NAA15: variants seen among roughly 807,000 people sequenced by gnomAD.
NAA15 encodes N-terminal acetyltransferase.
NAA15 carries 34 observed loss-of-function variants against 114.0 expected under a neutral mutation model. That is an observed-to-expected ratio of 0.30 (90% confidence interval 0.23 to 0.40). The LOEUF (loss-of-function observed/expected upper bound fraction) is 0.40, where lower values mean the gene tolerates loss of function less well. Among genes scored for constraint, NAA15 ranks in the 10% least tolerant of loss-of-function variants. The probability of loss-of-function intolerance (pLI) is 1.00; values close to 1 mark genes in which losing one functional copy is unlikely to be tolerated. For synonymous variants in NAA15, 340 were observed against 338.0 expected (o/e 1.01, Z -0.06); for missense variants, 658 against 1,004.5 (o/e 0.66, Z 4.66).
chr4:139,347,545 G>A (rs375503947), intron 6 of NAA15, among the ~76,000 whole-genome samples: 2 of 152,306 alleles, frequency 1.3e-5, no homozygotes, highest in East Asian at 3.9e-4. Context: ...GGCTGCCGTA[G>A]GTGGAAGGAT....
intron 9 of NAA15, 149 bp downstream of exon 9, chr4:139,351,760 C>T: frequency 2.1e-6 from 1 of 472,794 alleles, no homozygotes; most frequent in Non-Finnish European, 3.8e-6. Flanking sequence ...CTTCTGATTC[C>T]TCTTTTTTCC....
At chr4:139,372,304 G>A (rs763076101) in intron 15 of NAA15, among the ~76,000 whole-genome samples, 2 of 152,172 alleles carry the variant, frequency 1.3e-5, no homozygotes, top group Non-Finnish European at 2.9e-5. Flanking sequence ...CTTGTACTAG[G>A]TTTCCTTAAA....
intron 1 of NAA15, among the ~76,000 whole-genome samples, chr4:139,308,651 T>C (rs1402745257): frequency 6.6e-6 from 1 of 152,178 alleles, no homozygotes; most frequent in African/African-American, 2.4e-5. Flanking sequence ...CAGGCTGGAG[T>C]ACAGTGGCGT....
chr4:139,327,727 A>G (rs886953475), intron 1 of NAA15, among the ~76,000 whole-genome samples: 3 of 152,130 alleles, frequency 2.0e-5, no homozygotes, highest in Non-Finnish European at 4.4e-5. Context: ...GTGCAGTGGC[A>G]CAATCTCAGC....
intron 5 of NAA15, 62 bp from the exon 6 acceptor site, chr4:139,344,124 G>A: frequency 2.9e-6 from 4 of 1,403,400 alleles, no homozygotes; most frequent in Non-Finnish European, 3.9e-6. Context: ...TGAGTATTGT[G>A]AACAATTTTC....
intron 14 of NAA15, among the ~76,000 whole-genome samples, chr4:139,365,688 C>G (rs1023553779): frequency 4.6e-5 from 7 of 151,576 alleles, no homozygotes; most frequent in African/African-American, 1.2e-4. Flanking sequence ...CAAAAAAAAC[C>G]CCAACCAACC....
chr4:139,365,050 T>C (rs1413984581), intron 14 of NAA15, among the ~76,000 whole-genome samples: 2 of 152,298 alleles, frequency 1.3e-5, no homozygotes, highest in Admixed American at 1.3e-4. Context: ...TATTTATTTA[T>C]TTTTGAGATG....
intron 1 of NAA15, among the ~76,000 whole-genome samples, chr4:139,330,393 C>T (rs1560959947): frequency 6.6e-6 from 1 of 152,190 alleles, no homozygotes; most frequent in Non-Finnish European, 1.5e-5. Flanking sequence ...TGATAGCTCT[C>T]AAGTAACTGC....
At chr4:139,325,687 C>T (rs540168834) in intron 1 of NAA15, among the ~76,000 whole-genome samples, 6 of 152,174 alleles carry the variant, frequency 3.9e-5, no homozygotes, top group Non-Finnish European at 8.8e-5. Flanking sequence ...TTTGTTCTGT[C>T]GCTCAGGTTG....
chr4:139,339,856 T>C (rs1747325709), intron 3 of NAA15, among the ~76,000 whole-genome samples: 1 of 152,190 alleles, frequency 6.6e-6, no homozygotes, highest in Admixed American at 6.5e-5. Context: ...GGGTAGCTGG[T>C]ACAGTAATCA....
intron 7 of NAA15, among the ~76,000 whole-genome samples, chr4:139,350,167 G>T (rs1461261876): frequency 6.6e-6 from 1 of 152,152 alleles, no homozygotes; most frequent in East Asian, 1.9e-4. Context: ...AGGAAGCCAG[G>T]TGTAGGGGCT....
At chr4:139,314,710 G>A (rs532347544) in intron 1 of NAA15, among the ~76,000 whole-genome samples, 2 of 151,914 alleles carry the variant, frequency 1.3e-5, no homozygotes, top group African/African-American at 4.8e-5. Flanking sequence ...ATGGAGTCTC[G>A]CTCTGTTACC....
intron 1 of NAA15, 94 bp downstream of exon 1, chr4:139,301,925 C>A: frequency 7.4e-7 from 1 of 1,349,696 alleles, no homozygotes; most frequent in Non-Finnish European, 1.0e-6. Context: ...CTGAGCCACT[C>A]CCGCCCGGGA....
At chr4:139,386,456 C>T (rs1478240405) in intron 19 of NAA15, 2 of 327,806 alleles carry the variant, frequency 6.1e-6, no homozygotes, top group African/African-American at 2.2e-5. Flanking sequence ...CATATACATT[C>T]CATCGTCATT....
At chr4:139,375,203 G>C (rs545940601) in intron 15 of NAA15, among the ~76,000 whole-genome samples, 8 of 152,308 alleles carry the variant, frequency 5.3e-5, no homozygotes, top group Admixed American at 4.6e-4. Flanking sequence ...GTACAAATGT[G>C]TGGGGAAGTC....
At chr4:139,332,703 C>T (rs1032039697) in intron 1 of NAA15, among the ~76,000 whole-genome samples, 1 of 148,082 alleles carries the variant, frequency 6.8e-6, no homozygotes, top group Non-Finnish European at 1.5e-5. Flanking sequence ...CTGCCTCAGT[C>T]TCCTGAGTAG....
At chr4:139,312,472 C>G (rs1289674572) in intron 1 of NAA15, among the ~76,000 whole-genome samples, 1 of 151,764 alleles carries the variant, frequency 6.6e-6, no homozygotes, top group African/African-American at 2.4e-5. Flanking sequence ...TTTTTTCCTC[C>G]TAGGTAAGAT....
intron 6 of NAA15, among the ~76,000 whole-genome samples, chr4:139,347,063 G>T (rs1394265470): frequency 6.6e-6 from 1 of 151,082 alleles, no homozygotes; most frequent in Admixed American, 6.6e-5. Flanking sequence ...GCGAACCATC[G>T]TACTCAGCTA....
intron 14 of NAA15, among the ~76,000 whole-genome samples, chr4:139,366,190 A>C (rs1338276220): frequency 6.6e-6 from 1 of 152,134 alleles, no homozygotes; most frequent in Non-Finnish European, 1.5e-5. Flanking sequence ...TCAGGAATTC[A>C]GAAGTGTCTA....
Sources: gnomAD v4.1 joint callset for allele counts (sites outside exome capture counted in the v4.1 genomes callset) on GRCh38, gnomAD v4.1.1 for gene constraint, MANE v1.5 for transcripts, NCBI Gene and HGNC (gene_info 2026-07-23, HGNC 2026-07-21) for gene names.